The following PDGFC variants were observed in gnomAD, a reference collection of about 807,000 sequenced individuals.
The protein encoded by PDGFC is platelet derived growth factor C, also known as platelet-derived growth factor C.
PDGFC carries 12 observed loss-of-function variants against 35.5 expected under a neutral mutation model. That is an observed-to-expected ratio of 0.34 (90% confidence interval 0.22 to 0.55). PDGFC has a LOEUF of 0.55. Ranked by LOEUF, PDGFC falls within the 20% of genes least tolerant of loss-of-function variation. PDGFC has a pLI of 0.91. For missense variants in PDGFC, 322 were observed against 412.4 expected (o/e 0.78, Z 1.90); for synonymous variants, 159 against 148.8 (o/e 1.07, Z -0.50).
At chr4:156,768,142 A>G (rs966527659) in intron 4 of PDGFC, 152 bp from the exon 5 acceptor site, 194 of 621,196 alleles carry the variant, frequency 3.1e-4, no homozygotes, top group Non-Finnish European at 5.3e-4. Flanking sequence ...GATTTTAGAG[A>G]TATACAACTA....
intron 1 of PDGFC, among the ~76,000 whole-genome samples, chr4:156,900,783 A>C (rs1730749323): frequency 1.3e-5 from 2 of 151,948 alleles, no homozygotes; most frequent in Non-Finnish European, 2.9e-5. Context: ...TGCAGTGAGC[A>C]GAGATCCTGC....
intron 1 of PDGFC, among the ~76,000 whole-genome samples, chr4:156,902,940 A>C (rs552727477): frequency 6.6e-6 from 1 of 152,188 alleles, no homozygotes; most frequent in Non-Finnish European, 1.5e-5. Context: ...TTTATTGGAT[A>C]AATAAAATAT....
intron 5 of PDGFC, 89 bp downstream of exon 5, chr4:156,767,684 T>C (rs1730577415): frequency 1.2e-6 from 1 of 811,172 alleles, no homozygotes; most frequent in Non-Finnish European, 2.1e-6. Flanking sequence ...CTACGTCTTT[T>C]TTCCAAACAT....
chr4:156,958,871 CAAAT>C (rs1732273195), intron 1 of PDGFC, among the ~76,000 whole-genome samples: 2 of 152,054 alleles, frequency 1.3e-5, no homozygotes, highest in South Asian at 2.1e-4. Context: ...TCAAGTAAGA[CAAAT>C]GAATCTCACA....
chr4:156,824,385 C>CAG (rs200869297), intron 2 of PDGFC, among the ~76,000 whole-genome samples: 1 of 133,896 alleles, frequency 7.5e-6, no homozygotes, highest in African/African-American at 3.8e-5. Context: ...TACATACATA[C>CAG]ACACACATAT....
intron 1 of PDGFC, among the ~76,000 whole-genome samples, chr4:156,931,948 C>T (rs146830059): frequency 1.1e-4 from 16 of 152,026 alleles, no homozygotes; most frequent in Middle Eastern, 3.4e-3. Flanking sequence ...ATTACAGCAA[C>T]ATTTAAAGAG....
intron 1 of PDGFC, among the ~76,000 whole-genome samples, chr4:156,950,491 A>C (rs1579120787): frequency 6.6e-6 from 1 of 151,986 alleles, no homozygotes; most frequent in East Asian, 1.9e-4. Context: ...AAAACGGTAT[A>C]GAAAATCCCA....
intron 1 of PDGFC, among the ~76,000 whole-genome samples, chr4:156,906,142 C>G (rs1447238388): frequency 6.6e-6 from 1 of 152,046 alleles, no homozygotes; most frequent in Non-Finnish European, 1.5e-5. Flanking sequence ...ATTTTCAAAA[C>G]AAGTAAGAAT....
intron 1 of PDGFC, among the ~76,000 whole-genome samples, chr4:156,918,635 C>T: frequency 6.6e-6 from 1 of 152,182 alleles, no homozygotes; most frequent in Non-Finnish European, 1.5e-5. Context: ...ATGCGAGGGA[C>T]ATAGGTTGTG....
chr4:156,892,993 C>G (rs903384356), intron 1 of PDGFC, among the ~76,000 whole-genome samples: 27 of 152,136 alleles, frequency 1.8e-4, no homozygotes, highest in African/African-American at 6.3e-4. Context: ...CTATCCACCC[C>G]TACCACACAG....
chr4:156,922,731 G>A (rs1049762697), intron 1 of PDGFC, among the ~76,000 whole-genome samples: 1 of 152,190 alleles, frequency 6.6e-6, no homozygotes, highest in African/African-American at 2.4e-5. Flanking sequence ...ATGAGATGCT[G>A]TTGGGTTGGG....
chr4:156,945,560 G>T (rs1731927118), intron 1 of PDGFC, among the ~76,000 whole-genome samples: 1 of 151,624 alleles, frequency 6.6e-6, no homozygotes, highest in African/African-American at 2.4e-5. Flanking sequence ...AAATGAATTT[G>T]TGAATTAAAG....
chr4:156,858,319 A>G (rs1729630813), intron 1 of PDGFC, among the ~76,000 whole-genome samples: 1 of 152,110 alleles, frequency 6.6e-6, no homozygotes, highest in Non-Finnish European at 1.5e-5. Context: ...TGACGTTTTA[A>G]AATGAAGGCT....
chr4:156,800,297 C>T (rs955761615), intron 3 of PDGFC, among the ~76,000 whole-genome samples: 3 of 151,990 alleles, frequency 2.0e-5, no homozygotes, highest in Non-Finnish European at 4.4e-5. Context: ...AATATATGAG[C>T]CTTTCAAAAT....
Position 156,812,792 on chromosome 4 carries a change from G to A in PDGFC, c.315-1775C>T, listed in dbSNP as rs147565059. Among the ~76,000 whole-genome samples, 441 of 152,180 alleles carry A rather than the reference G, an allele frequency of 2.9e-3. 3 individuals carry two copies. The highest frequency in any genetic ancestry group is 0.01 in the African/African-American group (425 of 41,540). On this transcript the variant is annotated intron_variant, in intron 2 of 5. Coordinates refer to ENST00000502773, the MANE Select transcript of PDGFC (RefSeq NM_016205.3). ...AGAAAGGAAAAATGGGACAGCACAT[G>A]TGCAGCACCTAAAACATTGTTTGCA...
chr4:156,802,660 T>C (rs1731646744), intron 3 of PDGFC, among the ~76,000 whole-genome samples: 1 of 151,948 alleles, frequency 6.6e-6, no homozygotes, highest in South Asian at 2.1e-4. Context: ...TCAACTCAGC[T>C]CCTAGTTCAG....
At chr4:156,783,458 T>G (rs1560809643) in intron 3 of PDGFC, among the ~76,000 whole-genome samples, 1 of 152,118 alleles carries the variant, frequency 6.6e-6, no homozygotes. Flanking sequence ...CTTTGGCATC[T>G]GAACCTTTGC....
intron 1 of PDGFC, among the ~76,000 whole-genome samples, chr4:156,970,372 C>T (rs1244648003): frequency 2.0e-5 from 3 of 152,118 alleles, no homozygotes; most frequent in African/African-American, 4.8e-5. Context: ...TCAATTAATG[C>T]GGCTGATATA....
chr4:156,895,106 G>C (rs1413130800), intron 1 of PDGFC, among the ~76,000 whole-genome samples: 1 of 152,042 alleles, frequency 6.6e-6, no homozygotes, highest in African/African-American at 2.4e-5. Context: ...CATCCTAAAG[G>C]GGAGGGCCCA....
Sources: allele counts gnomAD v4.1 joint callset (sites outside exome capture counted in the v4.1 genomes callset), GRCh38; gene constraint gnomAD v4.1.1; transcripts MANE v1.5; gene names NCBI Gene and HGNC (gene_info 2026-07-23, HGNC 2026-07-21).